PCDHA13: variants seen among roughly 807,000 people sequenced by gnomAD.
The protein encoded by PCDHA13 is protocadherin alpha-13.
PCDHA13 carries 54 observed loss-of-function variants against 64.8 expected under a neutral mutation model. The observed-to-expected ratio is 0.83, with a 90% confidence interval of 0.67 to 1.04. The LOEUF (loss-of-function observed/expected upper bound fraction) is 1.04, where lower values mean the gene tolerates loss of function less well. Ranked by LOEUF, PCDHA13 falls within the 50% of genes least tolerant of loss-of-function variation. The probability of loss-of-function intolerance (pLI) is 0.00; values close to 1 mark genes in which losing one functional copy is unlikely to be tolerated. For synonymous variants in PCDHA13, 587 were observed against 564.4 expected (o/e 1.04, Z -0.57); for missense variants, 1,248 against 1,254.3 (o/e 0.99, Z 0.08).
At chr5:140,917,151 G>T (rs974449842) in intron 1 of PCDHA13, among the ~76,000 whole-genome samples, 2 of 152,160 alleles carry the variant, frequency 1.3e-5, no homozygotes, top group Non-Finnish European at 2.9e-5. Flanking sequence ...TGCTGCTGGG[G>T]GATATGGGAG....
intron 1 of PCDHA13, among the ~76,000 whole-genome samples, chr5:140,955,549 C>T (rs1216178805): frequency 6.6e-6 from 1 of 152,140 alleles, no homozygotes; most frequent in Non-Finnish European, 1.5e-5. Context: ...TTCTTGAGGC[C>T]TCCCCAGCCA....
Position 140,978,933 on chromosome 5 carries a change from CTT to C in PCDHA13, c.2395-14_2395-13del, listed in dbSNP as rs1179085898. On this transcript the variant is annotated splice_polypyrimidine_tract_variant and intron_variant, in intron 1 of 3. Coordinates refer to ENST00000289272, the MANE Select transcript of PCDHA13 (RefSeq NM_018904.3). The stretch of plus-strand genomic sequence containing the variant: ...TCTTGTCATTTTAACAGAAAACTCT[CTT>C]TGTGATTTTGCAGCCACGACAGCCC... 1.2e-6 allele frequency: 2 copies of C among 1,613,976 alleles called. No individual in the cohort carries two copies. The highest frequency in any genetic ancestry group is 2.7e-5 in the African/African-American group (2 of 74,920).
intron 1 of PCDHA13, chr5:140,967,005 A>G: frequency 1.2e-6 from 2 of 1,605,512 alleles, no homozygotes; most frequent in African/African-American, 1.3e-5. Flanking sequence ...TTGCGCATCA[A>G]CCATCTGGGT....
chr5:140,915,259 T>C (rs1344301014), intron 1 of PCDHA13, among the ~76,000 whole-genome samples: 1 of 152,182 alleles, frequency 6.6e-6, no homozygotes, highest in East Asian at 1.9e-4. Context: ...GTTGTTATTA[T>C]TTTTGACCAG....
chr5:140,887,140 A>T (rs1414836088), intron 1 of PCDHA13, among the ~76,000 whole-genome samples: 3 of 150,560 alleles, frequency 2.0e-5, no homozygotes, highest in Non-Finnish European at 4.4e-5. Context: ...TCTGTCGCCC[A>T]GGCTGGAGTA....
chr5:140,942,497 G>A (rs189402882), intron 1 of PCDHA13, among the ~76,000 whole-genome samples: 1 of 152,040 alleles, frequency 6.6e-6, no homozygotes, highest in Admixed American at 6.6e-5. Context: ...TAAATACATG[G>A]TATCTAGGAA....
At chr5:141,007,704 C>T (rs2098341593) in intron 3 of PCDHA13, among the ~76,000 whole-genome samples, 1 of 152,200 alleles carries the variant, frequency 6.6e-6, no homozygotes, top group African/African-American at 2.4e-5. Flanking sequence ...CCTCCTCTGC[C>T]TCCCACCACC....
chr5:140,897,975 C>T (rs2066435180), intron 1 of PCDHA13, among the ~76,000 whole-genome samples: 1 of 152,228 alleles, frequency 6.6e-6, no homozygotes. Context: ...CTTTTGGCTG[C>T]ATAAATGTCT....
intron 1 of PCDHA13, among the ~76,000 whole-genome samples, chr5:140,955,489 A>G (rs1554221953): frequency 1.3e-5 from 2 of 152,114 alleles, no homozygotes; most frequent in Non-Finnish European, 2.9e-5. Context: ...CCTTCCTGCC[A>G]CCATGTGAAG....
At chr5:141,003,663 A>G (rs1298864445) in intron 3 of PCDHA13, among the ~76,000 whole-genome samples, 4 of 152,204 alleles carry the variant, frequency 2.6e-5, no homozygotes, top group Non-Finnish European at 5.9e-5. Flanking sequence ...CATTTATTAA[A>G]ATATATGTTG....
intron 1 of PCDHA13, among the ~76,000 whole-genome samples, chr5:140,945,731 A>G (rs1021363337): frequency 2.6e-5 from 4 of 152,144 alleles, no homozygotes; most frequent in Non-Finnish European, 4.4e-5. Flanking sequence ...TACAATGGAA[A>G]AAGGACAGCC....
chr5:140,921,974 T>G lies in PCDHA13; in HGVS notation c.2394+37312T>G, dbSNP rs184369031. Among the ~76,000 whole-genome samples the G allele has an allele frequency of 1.1e-3, 161 of 151,826 alleles. 2 individuals are homozygous for G. The highest frequency in any genetic ancestry group is 2.1e-3 in the Non-Finnish European group (141 of 67,922). The stretch of plus-strand genomic sequence containing the variant: ...AATCCCAGAAAACCAAAGGAAAAAA[T>G]AGAACTAAAAAAGAGTTCAATGAAA... On this transcript the variant is annotated intron_variant, in intron 1 of 3. Transcript: ENST00000289272.
chr5:140,959,532 T>C (rs919329459), intron 1 of PCDHA13, among the ~76,000 whole-genome samples: 1 of 152,198 alleles, frequency 6.6e-6, no homozygotes, highest in Admixed American at 6.5e-5. Context: ...GACCATTAAT[T>C]CAGAGATGCT....
intron 3 of PCDHA13, among the ~76,000 whole-genome samples, chr5:140,984,397 G>A (rs1400095442): frequency 1.3e-5 from 2 of 152,112 alleles, no homozygotes; most frequent in African/African-American, 4.8e-5. Context: ...AAAATGTTGA[G>A]AACCTATCTT....
chr5:140,963,348 T>C (rs1415746589), intron 1 of PCDHA13, among the ~76,000 whole-genome samples: 7 of 152,234 alleles, frequency 4.6e-5, no homozygotes, highest in Admixed American at 4.6e-4. Context: ...GTAAATTTAG[T>C]TCTTTTCAAA....
chr5:140,967,017 C>T, intron 1 of PCDHA13: 1 of 1,606,892 alleles, frequency 6.2e-7, no homozygotes, highest in Non-Finnish European at 8.5e-7. Context: ...CATCTGGGTG[C>T]GCCCAGTCCG....
At chr5:140,918,226 T>C (rs528915665) in intron 1 of PCDHA13, among the ~76,000 whole-genome samples, 1 of 152,342 alleles carries the variant, frequency 6.6e-6, no homozygotes, top group African/African-American at 2.4e-5. Context: ...ATGCTGATTT[T>C]TGTACATTGA....
intron 1 of PCDHA13, chr5:140,968,754 G>T: frequency 1.2e-6 from 2 of 1,614,170 alleles, no homozygotes; most frequent in Non-Finnish European, 1.7e-6. Flanking sequence ...GTGGTGGTCC[G>T]AGATAATGGA....
intron 1 of PCDHA13, among the ~76,000 whole-genome samples, chr5:140,954,333 G>C (rs1554221356): frequency 1.3e-5 from 2 of 152,140 alleles, no homozygotes; most frequent in African/African-American, 4.8e-5. Flanking sequence ...TGGTATTTCT[G>C]CCTCTAGATC....
Sources: allele counts gnomAD v4.1 joint callset (sites outside exome capture counted in the v4.1 genomes callset), GRCh38; gene constraint gnomAD v4.1.1; transcripts MANE v1.5; gene names NCBI Gene and HGNC (gene_info 2026-07-23, HGNC 2026-07-21).